Variants in GGT5 observed in about 807,000 individuals in gnomAD.
GGT5 encodes glutathione hydrolase 5 proenzyme.
GGT5 carries 50 observed loss-of-function variants against 58.1 expected under a neutral mutation model. The ratio of observed to expected loss-of-function variants is 0.86; its 90% CI spans 0.69 to 1.09. GGT5 has a LOEUF of 1.09. Among genes scored for constraint, GGT5 ranks in the 50% least tolerant of loss-of-function variants. GGT5 has a pLI of 0.00. For missense variants in GGT5, 800 were observed against 789.4 expected (o/e 1.01, Z -0.16); for synonymous variants, 370 against 346.1 (o/e 1.07, Z -0.77).
intron 1 of GGT5, among the ~76,000 whole-genome samples, chr22:24,239,539 G>T (rs1208494383): frequency 1.3e-5 from 2 of 152,020 alleles, no homozygotes; most frequent in Non-Finnish European, 2.9e-5. Flanking sequence ...GAGTATACAT[G>T]AAATGAGCTT....
intron 1 of GGT5, chr22:24,244,337 CCACACACAAT>C (rs2148961914): frequency 1.8e-6 from 1 of 560,610 alleles, no homozygotes; most frequent in African/African-American, 1.9e-5. Context: ...ATACACATAC[CCACACACAAT>C]CACACACATT....
At chr22:24,242,413 A>C (rs2048350054) in intron 1 of GGT5, 1 of 152,146 alleles carries the variant, frequency 6.6e-6, no homozygotes, top group Admixed American at 6.5e-5. Flanking sequence ...CCTGGCTAAC[A>C]TGGTGAAACC....
chr22:24,230,724 G>A (rs1003896020), intron 6 of GGT5, among the ~76,000 whole-genome samples: 3 of 152,028 alleles, frequency 2.0e-5, no homozygotes, highest in African/African-American at 7.2e-5. Context: ...CCTAGCATGG[G>A]TATTCCTACC....
chr22:24,221,800 G>A (rs1056937526), intron 11 of GGT5, among the ~76,000 whole-genome samples: 5 of 151,736 alleles, frequency 3.3e-5, no homozygotes, highest in African/African-American at 9.7e-5. Context: ...GCCACCGCGC[G>A]CAGCCAACTC....
At position 24,244,644 on chromosome 22, in the gene GGT5, C is replaced by T. The variant is rs79754578; in HGVS notation, c.82G>A (p.Val28Ile). 1.2e-4 allele frequency: 194 copies of T among 1,612,886 alleles called. 4 individuals are homozygous for T. The South Asian group carries it at 2.0e-3, about 17-fold the overall frequency. The change falls in exon 1 of 12, where the codon GTC becomes ATC. Residue 28 changes from valine (V) to isoleucine (I), a missense_variant. By Grantham distance (29) the Val-to-Ile change is conservative (BLOSUM62 3). Coordinates refer to ENST00000327365, the MANE Select transcript of GGT5 (RefSeq NM_004121.5). Reference sequence around the variant, plus strand: ...CATGGGGCCTGGTGTCGAGAGAGGACCACAGCCAGCACAATGACAGCCAGC... The same window carrying T: ...CATGGGGCCTGGTGTCGAGAGAGGATCACAGCCAGCACAATGACAGCCAGC... The part of the protein sequence containing the change: ...LALAVIVLAV[V>I]LSRHQAPCGP...
chr22:24,220,354 C>T (rs1030677223), intron 11 of GGT5: 5 of 626,522 alleles, frequency 8.0e-6, no homozygotes, highest in East Asian at 3.1e-5. Context: ...GCCCGAAGAC[C>T]TCCAAATGCA....
intron 11 of GGT5, among the ~76,000 whole-genome samples, chr22:24,221,351 T>A (rs940296598): frequency 4.0e-5 from 6 of 150,862 alleles, no homozygotes; most frequent in African/African-American, 1.5e-4. Context: ...GCTCTTAAGA[T>A]CAGTGCTTGA....
At chr22:24,221,076 G>T (rs576549130) in intron 11 of GGT5, among the ~76,000 whole-genome samples, 2,766 of 152,090 alleles carry the variant, frequency 0.018, 31 homozygotes, top group African/African-American at 0.02. Context: ...ACTGAGACAG[G>T]GAAAGAGATC....
intron 1 of GGT5, among the ~76,000 whole-genome samples, chr22:24,235,445 G>C (rs1289330292): frequency 6.6e-6 from 1 of 151,482 alleles, no homozygotes; most frequent in Non-Finnish European, 1.5e-5. Context: ...CACCCCGTGG[G>C]ACCTCTGGCC....
At chr22:24,224,957 G>T in intron 11 of GGT5, 39 bp downstream of exon 11, 1 of 1,344,728 alleles carries the variant, frequency 7.4e-7, no homozygotes, top group South Asian at 1.2e-5. Context: ...TTGGGGAGTG[G>T]GCTCTGCCCT....
chr22:24,220,745 A>C (rs1416318580), intron 11 of GGT5: 2 of 449,630 alleles, frequency 4.4e-6, no homozygotes, highest in South Asian at 3.1e-5. Flanking sequence ...GAAAATCAAA[A>C]ATTGGGCTGG....
chr22:24,228,039 A>T (rs1183408633), intron 6 of GGT5, among the ~76,000 whole-genome samples: 1 of 127,804 alleles, frequency 7.8e-6, no homozygotes, highest in Admixed American at 9.0e-5. Flanking sequence ...ACAGAGCAAG[A>T]CTCTGTCTCA....
At chr22:24,239,284 A>T (rs527765086) in intron 1 of GGT5, among the ~76,000 whole-genome samples, 1 of 151,734 alleles carries the variant, frequency 6.6e-6, no homozygotes, top group South Asian at 2.1e-4. Context: ...GCTTGCAGTG[A>T]GCCGAGATTG....
rs1279866305 is a variant in GGT5, at chr22:24,244,775, C to T, written c.-50G>A. On this transcript the variant is annotated 5_prime_UTR_variant, in exon 1 of 12. Transcript: ENST00000327365. ...GGCGGCTGGTGGGCAGACGGAGGGA[C>T]GGATGGGTGGGCAGATGAATGGACA... is the stretch of plus-strand genomic sequence containing the variant. 13 of 1,548,106 alleles carry T rather than the reference C, an allele frequency of 8.4e-6. No homozygotes were observed. The highest frequency in any genetic ancestry group is 4.7e-5 in the East Asian group (2 of 42,140).
At chr22:24,230,506 C>T (rs996465926) in intron 6 of GGT5, among the ~76,000 whole-genome samples, 1 of 151,686 alleles carries the variant, frequency 6.6e-6, no homozygotes, top group East Asian at 1.9e-4. Context: ...TGCAATGAAC[C>T]GAGATTGTGC....
chr22:24,238,887 T>C (rs1405040650), intron 1 of GGT5, among the ~76,000 whole-genome samples: 1 of 10,822 alleles, frequency 9.2e-5, no homozygotes, highest in African/African-American at 5.7e-4. Flanking sequence ...ATATATTATA[T>C]ATTTTATATA....
chr22:24,232,729 G>A (rs1428847029), intron 4 of GGT5, 94 bp downstream of exon 4: 3 of 853,290 alleles, frequency 3.5e-6, no homozygotes, highest in Admixed American at 3.3e-5. Context: ...ATCCTCCAGT[G>A]TAAGAGGGAC....
In GGT5 at chr22:24,228,081, A is replaced by C. The variant is rs1277238523; in HGVS notation, c.902-1314T>G. Among the ~76,000 whole-genome samples, 31 of 147,054 alleles carry C rather than the reference A, an allele frequency of 2.1e-4. 1 individual carries two copies. The highest frequency in any genetic ancestry group is 7.6e-4 in the African/African-American group (30 of 39,708). On this transcript the variant is annotated intron_variant, in intron 6 of 11. Coordinates refer to ENST00000327365, the MANE Select transcript of GGT5 (RefSeq NM_004121.5). ...AAAAAAAAAAACAAAACAAAAAAAA[A>C]AAAACTCTGAAAAATAGAGCCAGGG... is the stretch of plus-strand genomic sequence containing the variant.
rs1195406572 is a variant in GGT5 at position 24,231,394 on chromosome 22, G to A, written c.891C>T (p.Asn297=). 12 of 1,549,426 alleles carry A rather than the reference G, an allele frequency of 7.7e-6. No individual in the cohort carries two copies. The highest frequency in any genetic ancestry group is 2.4e-5 in the East Asian group (1 of 40,992). The change falls in exon 6 of 12, where the codon AAC becomes AAT. Residue 297 remains asparagine, a synonymous_variant. Coordinates refer to ENST00000327365, the MANE Select transcript of GGT5 (RefSeq NM_004121.5). ...AGGAILSFIL[N]VLRGFNFSTE... ...GGGCAGGGGCTTTACCTCTTAGCAC[G>A]TTGAGGATAAAGCTGAGAATGGCAC...
Sources: allele counts gnomAD v4.1 joint callset (sites outside exome capture counted in the v4.1 genomes callset), GRCh38; gene constraint gnomAD v4.1.1; transcripts MANE v1.5; gene names NCBI Gene and HGNC (gene_info 2026-07-23, HGNC 2026-07-21).